The following ERC2 variants were observed in gnomAD, a reference collection of about 807,000 sequenced individuals.
ERC2 encodes ERC protein 2.
In ERC2, 42 loss-of-function variants were observed where a neutral mutation model predicts 114.8. That is an observed-to-expected ratio of 0.37 (90% CI 0.29 to 0.47). The LOEUF is 0.47. Among genes scored for constraint, ERC2 ranks in the 20% least tolerant of loss-of-function variants. The probability of loss-of-function intolerance (pLI) is 0.99; values close to 1 mark genes in which losing one functional copy is unlikely to be tolerated. For synonymous variants in ERC2, 454 were observed against 425.5 expected, an observed-to-expected ratio of 1.07 and a Z score of -0.82; for missense variants, 939 against 1,150.7, an observed-to-expected ratio of 0.82 and a Z score of 2.66.
intron 13 of ERC2, among the ~76,000 whole-genome samples, chr3:55,919,075 T>C (rs1298158647): frequency 1.3e-5 from 2 of 151,980 alleles, no homozygotes; most frequent in Non-Finnish European, 2.9e-5. Flanking sequence ...TACCAAAAAA[T>C]GGATATTTAA....
In ERC2 at chr3:55,745,552, G is replaced by A. The variant is rs142426598; in HGVS notation, c.2565-10634C>T. On this transcript the variant is annotated intron_variant, in intron 14 of 17. Coordinates refer to ENST00000288221, the MANE Select transcript of ERC2 (RefSeq NM_015576.3). ...GTGCTTGGTCATTCTTGTTATTCCCGTTCAGTAATAAGAAAGCCTCTCTGT... is the reference window on the plus strand; with the variant it reads ...GTGCTTGGTCATTCTTGTTATTCCCATTCAGTAATAAGAAAGCCTCTCTGT... Among the ~76,000 whole-genome samples, 230 of 152,244 alleles carry A rather than the reference G, an allele frequency of 1.5e-3. 1 individual carries two copies. Among genetic ancestry groups the A allele is most frequent in the Middle Eastern group, 6.8e-3 (2 of 294 alleles).
At chr3:55,795,450 T>C (rs148481691) in intron 14 of ERC2, among the ~76,000 whole-genome samples, 14 of 152,270 alleles carry the variant, frequency 9.2e-5, no homozygotes, top group African/African-American at 2.6e-4. Context: ...CATAAAACCG[T>C]TTTGACCCCT....
At chr3:56,238,749 A>C (rs1220415844) in intron 3 of ERC2, among the ~76,000 whole-genome samples, 1 of 152,264 alleles carries the variant, frequency 6.6e-6, no homozygotes, top group Non-Finnish European at 1.5e-5. Context: ...TTCTCTAAAA[A>C]TAACAGGACT....
At chr3:55,527,711 GGAAT>G (rs1031512016) in intron 17 of ERC2, among the ~76,000 whole-genome samples, 2 of 152,174 alleles carry the variant, frequency 1.3e-5, no homozygotes, top group East Asian at 1.9e-4. Flanking sequence ...ACCTCCTCCT[GGAAT>G]GAATGAATGA....
chr3:56,064,248 G>A (rs1023978503), intron 7 of ERC2, among the ~76,000 whole-genome samples: 7 of 152,066 alleles, frequency 4.6e-5, no homozygotes, highest in South Asian at 2.1e-4. Context: ...GAAACGTGTC[G>A]GTAACATGGA....
intron 14 of ERC2, among the ~76,000 whole-genome samples, chr3:55,748,613 G>C (rs2066460422): frequency 6.6e-6 from 1 of 152,206 alleles, no homozygotes; most frequent in South Asian, 2.1e-4. Flanking sequence ...GTGCAAAGAA[G>C]ATATCCCTGA....
At chr3:56,087,418 A>G (rs1360785596) in intron 6 of ERC2, among the ~76,000 whole-genome samples, 1 of 152,084 alleles carries the variant, frequency 6.6e-6, no homozygotes, top group East Asian at 1.9e-4. Flanking sequence ...TCCAATGGTG[A>G]GGTATGTTTC....
intron 14 of ERC2, among the ~76,000 whole-genome samples, chr3:55,789,615 TA>T (rs1321849488): frequency 6.6e-6 from 1 of 152,200 alleles, no homozygotes; most frequent in African/African-American, 2.4e-5. Flanking sequence ...AAAGGAAGAA[TA>T]ATGGCATTTT....
At chr3:56,311,237 C>CTA (rs2056530794) in intron 2 of ERC2, among the ~76,000 whole-genome samples, 2 of 16,396 alleles carry the variant, frequency 1.2e-4, no homozygotes, top group Non-Finnish European at 3.4e-4. Context: ...CATCTTCTCT[C>CTA]TCTCTCTCTC....
intron 6 of ERC2, among the ~76,000 whole-genome samples, chr3:56,118,784 C>A (rs965663805): frequency 2.6e-5 from 4 of 151,872 alleles, no homozygotes; most frequent in Admixed American, 1.3e-4. Flanking sequence ...CTACAGGCAC[C>A]CGCCACCACG....
rs147908804 is a variant in ERC2, at chr3:55,750,322, C to G, written c.2565-15404G>C. Among the ~76,000 whole-genome samples, 351 of 152,272 alleles carry G rather than the reference C, an allele frequency of 2.3e-3. 1 individual carries two copies. Among genetic ancestry groups the G allele is most frequent in the African/African-American group, 8.2e-3 (339 of 41,562 alleles). On this transcript the variant is annotated intron_variant, in intron 14 of 17. Transcript: ENST00000288221. Reference sequence around the variant, plus strand: ...AGTAAAGTACGTTGTTTCATTTAGTCTGCTCAAAATAGCCTTCCAAGAGAA... The same window carrying G: ...AGTAAAGTACGTTGTTTCATTTAGTGTGCTCAAAATAGCCTTCCAAGAGAA...
rs750274378 is a variant in ERC2 at position 56,018,936 on chromosome 3, T to C, written c.1737A>G (p.Thr579=). 8.7e-6 allele frequency: 14 copies of C among 1,613,258 alleles called. No homozygotes were observed. Among genetic ancestry groups the C allele is most frequent in the South Asian group, 4.4e-5 (4 of 91,040 alleles). The change falls in exon 8 of 18, where the codon ACA becomes ACG. Residue 579 remains threonine, a synonymous_variant. Coordinates refer to ENST00000288221, the MANE Select transcript of ERC2 (RefSeq NM_015576.3). ...VKSLQTDSSN[T]DTALATLEEA... ...CCTCTAGCGTCGCCAGTGCAGTATC[T>C]GTATTACTGGAATCCGTCTGCAAGG...
At chr3:55,963,403 A>G (rs1431256690) in intron 12 of ERC2, among the ~76,000 whole-genome samples, 2 of 152,228 alleles carry the variant, frequency 1.3e-5, no homozygotes, top group Non-Finnish European at 2.9e-5. Flanking sequence ...GAAGATAAAA[A>G]CAGAAGCTCA....
intron 12 of ERC2, among the ~76,000 whole-genome samples, chr3:55,954,172 A>G (rs1211063336): frequency 6.6e-6 from 1 of 151,828 alleles, no homozygotes; most frequent in Non-Finnish European, 1.5e-5. Flanking sequence ...GAATACATGC[A>G]AAATGCAAAT....
intron 14 of ERC2, among the ~76,000 whole-genome samples, chr3:55,828,648 A>C (rs2060436572): frequency 6.6e-6 from 1 of 152,202 alleles, no homozygotes; most frequent in Admixed American, 6.5e-5. Flanking sequence ...TTGCAAAATG[A>C]TCAGTCTCAT....
chr3:55,517,335 G>A (rs1025810097), intron 17 of ERC2, among the ~76,000 whole-genome samples: 1 of 151,356 alleles, frequency 6.6e-6, no homozygotes, highest in Non-Finnish European at 1.5e-5. Context: ...CAGCTACTAG[G>A]GAAGCTGTGG....
chr3:55,757,627 G>T (rs1297324106), intron 14 of ERC2, among the ~76,000 whole-genome samples: 1 of 152,022 alleles, frequency 6.6e-6, no homozygotes, highest in Non-Finnish European at 1.5e-5. Context: ...AAATCAATGA[G>T]ATACTATATA....
intron 7 of ERC2, among the ~76,000 whole-genome samples, chr3:56,053,775 C>T (rs891143665): frequency 2.2e-4 from 34 of 152,028 alleles, no homozygotes; most frequent in Non-Finnish European, 2.9e-5. Context: ...TGTAAGGTGG[C>T]ATCATTAAGA....
chr3:55,702,657 T>C (rs1166805140), intron 15 of ERC2, among the ~76,000 whole-genome samples: 2 of 152,018 alleles, frequency 1.3e-5, no homozygotes, highest in Admixed American at 1.3e-4. Context: ...TAACAGTCAA[T>C]GAAAGAAAAA....
Sources: gnomAD v4.1 joint callset for allele counts (sites outside exome capture counted in the v4.1 genomes callset) on GRCh38, gnomAD v4.1.1 for gene constraint, MANE v1.5 for transcripts, NCBI Gene and HGNC (gene_info 2026-07-23, HGNC 2026-07-21) for gene names.